The following UNC80 variants were observed in gnomAD, a reference collection of about 807,000 sequenced individuals.
UNC80 encodes protein unc-80 homolog.
A neutral mutation model predicts 384.6 loss-of-function variants in UNC80; 164 were observed. The ratio of observed to expected loss-of-function variants is 0.43; its 90% CI spans 0.38 to 0.49. The LOEUF (loss-of-function observed/expected upper bound fraction) is 0.49. Ranked by LOEUF, UNC80 falls within the 20% of genes least tolerant of loss-of-function variation. The pLI, the probability that UNC80 is intolerant of heterozygous loss-of-function variation, is 0.00. For synonymous variants in UNC80, 1,486 were observed against 1,527.8 expected, an observed-to-expected ratio of 0.97 and a Z score of 0.64; for missense variants, 3,330 against 4,143.0, an observed-to-expected ratio of 0.80 and a Z score of 5.39.
chr2:209,776,596 A>G (rs1364064024), intron 3 of UNC80, among the ~76,000 whole-genome samples: 1 of 152,228 alleles, frequency 6.6e-6, no homozygotes, highest in African/African-American at 2.4e-5. Flanking sequence ...CAAACAAACA[A>G]AAACAACACA....
chr2:209,951,297 T>TTC (rs945507057), intron 47 of UNC80, among the ~76,000 whole-genome samples: 2 of 118,042 alleles, frequency 1.7e-5, no homozygotes, highest in South Asian at 3.0e-4. Context: ...TCCTTTTTTT[T>TTC]TCTCTCTCTC....
chr2:209,793,668 G>T, intron 6 of UNC80, 52 bp from the exon 7 acceptor site: 1 of 1,602,034 alleles, frequency 6.2e-7, no homozygotes, highest in Non-Finnish European at 8.5e-7. Context: ...AGCTACAGGG[G>T]AAAACAAAAA....
At chr2:209,974,176 C>T (rs571548346) in intron 56 of UNC80, among the ~76,000 whole-genome samples, 1 of 152,268 alleles carries the variant, frequency 6.6e-6, no homozygotes, top group East Asian at 1.9e-4. Flanking sequence ...AACACAAACA[C>T]ACTGATGAAA....
chr2:209,816,780 A>T, intron 9 of UNC80, 129 bp from the exon 10 acceptor site: 2 of 777,046 alleles, frequency 2.6e-6, no homozygotes, highest in Non-Finnish European at 4.1e-6. Flanking sequence ...GATGATATTC[A>T]GTGACTTTCT....
At position 209,820,647 on chromosome 2, in the gene UNC80, C is replaced by G; in HGVS notation, c.2299C>G (p.Pro767Ala). The change falls in exon 13 of 65, where the codon CCT (proline) becomes GCT (alanine). Residue 767 changes from proline to alanine, a missense_variant. Pro to Ala is a conservative substitution (Grantham distance 27, BLOSUM62 -1). Around this residue, in one of 8 missense-constraint regions of UNC80, gnomAD observed 937 missense variants for 1,026.8 expected, o/e 0.91. Transcript: ENST00000673920. Reference protein sequence around the residue: ...GGGGGGGGGGPYEKNDKNQEK... With the variant: ...GGGGGGGGGGAYEKNDKNQEK... ...AGGAGGTGGAGGAGGTGGAGGCGGC[C>G]CTTATGAGAAGAATGATAAGAACCA... The G allele has an allele frequency of 1.3e-6, 2 of 1,544,028 alleles. No individual in the cohort carries two copies. Among genetic ancestry groups the G allele is most frequent in the Non-Finnish European group, 1.7e-6 (2 of 1,143,842 alleles).
chr2:209,993,337 G>A lies in UNC80; in HGVS notation c.9419G>A (p.Arg3140His), dbSNP rs1413695148. The A allele has an allele frequency of 4.5e-6, 7 of 1,551,836 alleles. No homozygotes were observed. The highest frequency in any genetic ancestry group is 5.2e-6 in the Non-Finnish European group (6 of 1,146,964). ...TAGCTAAGACGTCCTCTACTATCAC[G>A]TCAGAAAACTCAGACTGAACCCAGA... ...LRQLRRPLLS[R>H]QKTQTEPRNR... Residue 3140 changes from arginine (R) to histidine (H), a missense_variant, in exon 63 of 65, where the codon CGT (arginine) becomes CAT (histidine). Physicochemically the swap from Arg to His is conservative, Grantham distance 29. Transcript: ENST00000673920.
At chr2:209,946,391 G>T (rs946671211) in intron 47 of UNC80, among the ~76,000 whole-genome samples, 7 of 150,366 alleles carry the variant, frequency 4.7e-5, no homozygotes, top group African/African-American at 1.2e-4. Flanking sequence ...AAGAAAGAAA[G>T]AAAAAAGAAA....
At chr2:209,826,081 C>A in intron 14 of UNC80, 28 bp downstream of exon 14, 1 of 1,534,126 alleles carries the variant, frequency 6.5e-7, no homozygotes. Context: ...GATTCCATTT[C>A]CTCTCCCTCT....
intron 22 of UNC80, among the ~76,000 whole-genome samples, chr2:209,850,845 G>A (rs16843811): frequency 6.6e-6 from 1 of 151,852 alleles, no homozygotes; most frequent in African/African-American, 2.4e-5. Flanking sequence ...TGAGATGTCT[G>A]TCTAAAGCAG....
intron 61 of UNC80, 123 bp from the exon 62 acceptor site, chr2:209,992,043 T>A: frequency 1.4e-6 from 1 of 701,042 alleles, no homozygotes; most frequent in East Asian, 3.0e-5. Flanking sequence ...CTCCCAACCA[T>A]CCTTCAAAGA....
chr2:209,833,876 G>A (rs1185845041), intron 16 of UNC80, 126 bp from the exon 17 acceptor site: 1 of 895,942 alleles, frequency 1.1e-6, no homozygotes, highest in Non-Finnish European at 1.7e-6. Flanking sequence ...ATAGTAAACT[G>A]TCCTGTCTTA....
chr2:209,972,018 T>C (rs966784162), intron 54 of UNC80, among the ~76,000 whole-genome samples, 183 bp from the exon 55 acceptor site: 2 of 152,248 alleles, frequency 1.3e-5, no homozygotes, highest in African/African-American at 4.8e-5. Context: ...CTCTCAATTA[T>C]ATCAAGACAA....
chr2:209,917,528 G>A (rs923640417), intron 31 of UNC80, among the ~76,000 whole-genome samples: 1 of 152,152 alleles, frequency 6.6e-6, no homozygotes, highest in Non-Finnish European at 1.5e-5. Flanking sequence ...ACTTTTCACT[G>A]TGAGTCAAAG....
chr2:209,873,082 C>T, intron 23 of UNC80, 112 bp downstream of exon 23: 2 of 999,908 alleles, frequency 2.0e-6, no homozygotes, highest in Admixed American at 4.6e-5. Flanking sequence ...TGTTATGTAC[C>T]AGGTACTGAA....
At chr2:209,867,077 A>ATAT (rs1273046821) in intron 22 of UNC80, among the ~76,000 whole-genome samples, 2 of 152,220 alleles carry the variant, frequency 1.3e-5, no homozygotes, top group African/African-American at 4.8e-5. Flanking sequence ...TTATTTTGAA[A>ATAT]TATAATGTAG....
At chr2:209,941,630 C>T in intron 44 of UNC80, 141 bp downstream of exon 44, 1 of 1,031,690 alleles carries the variant, frequency 9.7e-7, no homozygotes, top group South Asian at 2.7e-5. Context: ...CAAATGAAAT[C>T]CCCCCATAAA....
At chr2:209,787,018 T>TATATATATATATATATAC (rs1000814946) in intron 5 of UNC80, among the ~76,000 whole-genome samples, 1 of 128,600 alleles carries the variant, frequency 7.8e-6, no homozygotes, top group African/African-American at 3.0e-5. Context: ...TATATATATA[T>TATATATATATATATATAC]ACCTATATAT....
intron 40 of UNC80, 73 bp downstream of exon 40, chr2:209,935,881 A>C: frequency 1.1e-6 from 1 of 903,776 alleles, no homozygotes; most frequent in East Asian, 3.1e-5. Flanking sequence ...TCCATTTTAG[A>C]ATAAAATGGC....
intron 6 of UNC80, among the ~76,000 whole-genome samples, chr2:209,792,788 C>T (rs955171985): frequency 9.9e-5 from 15 of 152,098 alleles, no homozygotes; most frequent in Admixed American, 6.5e-4. Flanking sequence ...AGATATGTGG[C>T]TGTTTGTGGC....
Sources: gnomAD v4.1 joint callset for allele counts (sites outside exome capture counted in the v4.1 genomes callset) on GRCh38, gnomAD v4.1.1 for gene constraint, gnomAD v4.1.1 regional missense constraint, MANE v1.5 for transcripts, NCBI Gene and HGNC (gene_info 2026-07-23, HGNC 2026-07-21) for gene names.